The following NOL4 variants were observed in gnomAD, a reference collection of about 807,000 sequenced individuals.
The protein encoded by NOL4 is nucleolar protein 4, also known as cancer/testis antigen 125.
In NOL4, 17 loss-of-function variants were observed where a neutral mutation model predicts 75.9. The ratio of observed to expected loss-of-function variants is 0.22; its 90% confidence interval spans 0.15 to 0.34. NOL4 has a LOEUF of 0.34. Among genes scored for constraint, NOL4 ranks in the 10% least tolerant of loss-of-function variants. The probability of loss-of-function intolerance (pLI) is 1.00; values close to 1 mark genes in which losing one functional copy is unlikely to be tolerated. For missense variants in NOL4, 614 were observed against 793.5 expected, an observed-to-expected ratio of 0.77 and a Z score of 2.72; for synonymous variants, 292 against 289.9, an observed-to-expected ratio of 1.01 and a Z score of -0.07.
At chr18:34,142,912 A>G (rs947422109) in intron 1 of NOL4, among the ~76,000 whole-genome samples, 1 of 152,186 alleles carries the variant, frequency 6.6e-6, no homozygotes, top group Admixed American at 6.6e-5. Context: ...ACTAACTGAT[A>G]ATCAAAAATA....
At chr18:33,899,347 T>C (rs908806205) in intron 9 of NOL4, among the ~76,000 whole-genome samples, 12 of 152,168 alleles carry the variant, frequency 7.9e-5, no homozygotes, top group African/African-American at 1.9e-4. Flanking sequence ...TTTAGGATGT[T>C]AGTCCCCCAT....
intron 1 of NOL4, among the ~76,000 whole-genome samples, chr18:34,178,000 C>T (rs1409315012): frequency 2.0e-5 from 3 of 151,746 alleles, no homozygotes; most frequent in South Asian, 4.2e-4. Context: ...TTTGTTTGTA[C>T]CTCTTTTTTC....
intron 6 of NOL4, among the ~76,000 whole-genome samples, chr18:34,007,570 T>A (rs975385569): frequency 4.6e-5 from 7 of 152,166 alleles, no homozygotes; most frequent in Non-Finnish European, 1.0e-4. Flanking sequence ...CATGCTTATA[T>A]GTATATATTC....
At chr18:33,915,142 C>T (rs895833065) in intron 9 of NOL4, among the ~76,000 whole-genome samples, 2 of 152,030 alleles carry the variant, frequency 1.3e-5, no homozygotes, top group African/African-American at 2.4e-5. Context: ...AGTAATCAAC[C>T]GTGACAAATG....
At chr18:33,958,460 A>G (rs374026881) in intron 6 of NOL4, 42 bp from the exon 7 acceptor site, 2 of 1,517,510 alleles carry the variant, frequency 1.3e-6, no homozygotes, top group Non-Finnish European at 8.9e-7. Context: ...AATTCATTGC[A>G]CAAGCTTATA....
chr18:34,096,757 A>C (rs990407004), intron 4 of NOL4, among the ~76,000 whole-genome samples: 1 of 152,170 alleles, frequency 6.6e-6, no homozygotes, highest in Admixed American at 6.5e-5. Flanking sequence ...TTGAAACTTA[A>C]TGTTTTAATA....
At chr18:34,162,056 C>T (rs1032492611) in intron 1 of NOL4, among the ~76,000 whole-genome samples, 2 of 152,102 alleles carry the variant, frequency 1.3e-5, no homozygotes, top group South Asian at 2.1e-4. Flanking sequence ...ATTATCCATA[C>T]CCTCAAGTGC....
intron 5 of NOL4, among the ~76,000 whole-genome samples, chr18:34,070,043 T>C (rs1236371295): frequency 6.6e-6 from 1 of 152,176 alleles, no homozygotes; most frequent in African/African-American, 2.4e-5. Context: ...TGTTTTGTTT[T>C]GTTTTTGAGA....
intron 6 of NOL4, among the ~76,000 whole-genome samples, chr18:34,003,406 T>C (rs1050508621): frequency 2.9e-4 from 44 of 152,118 alleles, no homozygotes; most frequent in African/African-American, 9.9e-4. Flanking sequence ...TAAATATTTG[T>C]TTAAAAAGTG....
intron 6 of NOL4, among the ~76,000 whole-genome samples, chr18:33,969,892 C>T (rs1431556545): frequency 1.3e-5 from 2 of 152,132 alleles, no homozygotes; most frequent in East Asian, 3.9e-4. Flanking sequence ...ACCTCAGCTA[C>T]ATTTTTTAGG....
chr18:33,883,700 G>A (rs1461815203), intron 9 of NOL4, among the ~76,000 whole-genome samples: 3 of 151,966 alleles, frequency 2.0e-5, no homozygotes, highest in African/African-American at 7.2e-5. Flanking sequence ...ACCAAGTGGT[G>A]GAAGAAGCCT....
chr18:34,181,199 C>T (rs2034001153), intron 1 of NOL4, among the ~76,000 whole-genome samples: 1 of 151,376 alleles, frequency 6.6e-6, no homozygotes, highest in South Asian at 2.1e-4. Flanking sequence ...ATCAAAGCAG[C>T]ATGGTATTAG....
chr18:33,965,280 G>T (rs763658259), intron 6 of NOL4, among the ~76,000 whole-genome samples: 8 of 152,108 alleles, frequency 5.3e-5, no homozygotes, highest in Non-Finnish European at 7.4e-5. Flanking sequence ...TTTAAGACAA[G>T]CCTGGGCAAC....
At chr18:34,042,526 T>C (rs766738181) in intron 5 of NOL4, among the ~76,000 whole-genome samples, 2 of 152,006 alleles carry the variant, frequency 1.3e-5, no homozygotes, top group Non-Finnish European at 2.9e-5. Context: ...GTAGCATGTA[T>C]ATTAATAGAC....
chr18:33,971,296 T>G (rs550663355), intron 6 of NOL4, among the ~76,000 whole-genome samples: 1 of 152,310 alleles, frequency 6.6e-6, no homozygotes, highest in Admixed American at 6.5e-5. Flanking sequence ...ATTCCTATAT[T>G]GGGATGATTA....
At chr18:33,866,356 G>A (rs2063429133) in intron 10 of NOL4, among the ~76,000 whole-genome samples, 1 of 151,756 alleles carries the variant, frequency 6.6e-6, no homozygotes, top group Non-Finnish European at 1.5e-5. Flanking sequence ...TTATCCATTT[G>A]TGTTTTATTT....
At chr18:34,129,160 C>T (rs1489387009) in intron 2 of NOL4, among the ~76,000 whole-genome samples, 1 of 151,812 alleles carries the variant, frequency 6.6e-6, no homozygotes, top group African/African-American at 2.4e-5. Context: ...CTAGATCAAA[C>T]TGTAGGTATA....
intron 1 of NOL4, chr18:34,222,253 C>CA (rs1458584802): frequency 7.2e-7 from 1 of 1,393,156 alleles, no homozygotes; most frequent in African/African-American, 1.5e-5. Flanking sequence ...CAAATACACA[C>CA]ACCATTCGAT....
At chr18:34,142,991 A>T (rs1370014151) in intron 1 of NOL4, among the ~76,000 whole-genome samples, 1 of 151,484 alleles carries the variant, frequency 6.6e-6, no homozygotes. Context: ...AGCTCAATAA[A>T]GCTGTTAAAA....
Sources: allele counts gnomAD v4.1 joint callset (sites outside exome capture counted in the v4.1 genomes callset), GRCh38; gene constraint gnomAD v4.1.1; transcripts MANE v1.5; gene names NCBI Gene and HGNC (gene_info 2026-07-23, HGNC 2026-07-21).